MISFA: variants seen among roughly 807,000 people sequenced by gnomAD.
MISFA encodes mitochondrial sheath formation associated.
chr11:18,601,239 C>A, the MISFA span: 1 of 398,508 alleles, frequency 2.5e-6, no homozygotes, highest in Non-Finnish European at 4.4e-6. Context: ...TACTTGGTAG[C>A]ACCCTGAAGT....
At chr11:18,600,905 G>C in the MISFA span, among the ~76,000 whole-genome samples, 1 of 152,136 alleles carries the variant, frequency 6.6e-6, no homozygotes, top group African/African-American at 2.4e-5. Context: ...AATTTGCAAG[G>C]GGTCTGCTGG....
At chr11:18,608,256 T>C in the MISFA span, 1 of 152,632 alleles carries the variant, frequency 6.6e-6, no homozygotes, top group Non-Finnish European at 1.5e-5. Flanking sequence ...ATCCTTGCAC[T>C]TTCAAAGTTT....
At chr11:18,602,679 C>T in the MISFA span, 3 of 155,454 alleles carry the variant, frequency 1.9e-5, no homozygotes, top group African/African-American at 7.2e-5. Flanking sequence ...AGCTAATTCT[C>T]TTAATGAATC....
chr11:18,600,104 C>T, the MISFA span: 17 of 398,160 alleles, frequency 4.3e-5, no homozygotes, highest in East Asian at 5.7e-4. Context: ...GGTCTCACCA[C>T]TAACTGGAAG....
chr11:18,601,408 C>T, the MISFA span: 11 of 397,656 alleles, frequency 2.8e-5, no homozygotes, highest in Admixed American at 1.3e-4. Flanking sequence ...TATTTTTCTC[C>T]TCACAACACT....
At chr11:18,603,912 C>T in the MISFA span, 7 of 341,752 alleles carry the variant, frequency 2.0e-5, no homozygotes, top group Non-Finnish European at 3.6e-5. Context: ...TAAGAAGTTA[C>T]CGCACTTTTT....
At chr11:18,603,122 T>A in the MISFA span, 2 of 399,070 alleles carry the variant, frequency 5.0e-6, no homozygotes, top group East Asian at 7.1e-5. Flanking sequence ...AGAAGCCTCA[T>A]GATGATTGTT....
the MISFA span, chr11:18,606,945 C>T: frequency 3.4e-6 from 1 of 297,266 alleles, no homozygotes; most frequent in South Asian, 2.8e-5. Context: ...ACTGCAACCT[C>T]CGCCTCCCAG....
chr11:18,600,950 G>A, the MISFA span: 2 of 396,534 alleles, frequency 5.0e-6, no homozygotes, highest in African/African-American at 4.1e-5. Context: ...CAGGCCAAGT[G>A]GATCAGTGGT....
At chr11:18,605,652 G>A in the MISFA span, among the ~76,000 whole-genome samples, 2 of 152,092 alleles carry the variant, frequency 1.3e-5, no homozygotes, top group African/African-American at 4.8e-5. Context: ...AGTGAGTTAA[G>A]TACTTACATC....
the MISFA span, chr11:18,601,008 C>T: frequency 2.5e-6 from 1 of 398,154 alleles, no homozygotes; most frequent in South Asian, 1.3e-4. Context: ...CTTTTAGCAG[C>T]CCTTCTGGTC....
the MISFA span, chr11:18,602,986 C>T: frequency 5.7e-4 from 224 of 395,666 alleles, 3 homozygotes; most frequent in Middle Eastern, 1.3e-3. Context: ...GACTAGGCCA[C>T]GAAGCTCCTT....
At chr11:18,606,915 C>T in the MISFA span, 3 of 324,852 alleles carry the variant, frequency 9.2e-6, no homozygotes, top group South Asian at 7.4e-5. Context: ...GCCTGGAGTG[C>T]AGTGGTGCTA....
the MISFA span, chr11:18,608,015 T>G: frequency 2.0e-5 from 3 of 152,426 alleles, no homozygotes; most frequent in African/African-American, 7.2e-5. Context: ...AATAAAAAAT[T>G]TTTGAAGGGG....
chr11:18,609,852 A>T, the MISFA span: 1 of 1,613,378 alleles, frequency 6.2e-7, no homozygotes, highest in Non-Finnish European at 8.5e-7. Flanking sequence ...ACAAAAATAA[A>T]AGCAGCAGCT....
the MISFA span, chr11:18,609,838 T>G: frequency 1.9e-6 from 3 of 1,612,086 alleles, no homozygotes; most frequent in Non-Finnish European, 2.5e-6. Flanking sequence ...AGCTCTAGAA[T>G]TTCACAAAAA....
the MISFA span, chr11:18,609,066 TA>T: frequency 6.6e-6 from 1 of 152,312 alleles, no homozygotes; most frequent in Admixed American, 6.5e-5. Context: ...TTGAATAAAA[TA>T]TTTTTTCTTC....
At chr11:18,601,062 C>T in the MISFA span, 1 of 398,662 alleles carries the variant, frequency 2.5e-6, no homozygotes, top group Admixed American at 4.4e-5. Context: ...GTAGAGCCAT[C>T]TCTGCCCTCA....
At chr11:18,599,854 C>T in the MISFA span, 2 of 398,230 alleles carry the variant, frequency 5.0e-6, no homozygotes, top group Non-Finnish European at 4.4e-6. Context: ...TTCGTGAGCG[C>T]ACTCCTTTGC....
Sources: allele counts gnomAD v4.1 joint callset (sites outside exome capture counted in the v4.1 genomes callset), GRCh38; gene constraint gnomAD v4.1.1; transcripts MANE v1.5; gene names NCBI Gene and HGNC (gene_info 2026-07-23, HGNC 2026-07-21).